Variants in ANTXR2 observed in about 807,000 individuals in gnomAD.
ANTXR2 encodes the protein ANTXR cell adhesion molecule 2, also known as anthrax toxin receptor 2.
Under a neutral mutation model 73.7 loss-of-function variants are expected in ANTXR2, and 44 were observed. The ratio of observed to expected loss-of-function variants is 0.60; its 90% CI spans 0.47 to 0.77. The LOEUF (loss-of-function observed/expected upper bound fraction) is 0.77, where lower values mean the gene tolerates loss of function less well. ANTXR2 is among the 30% of genes least tolerant of loss of function. The pLI is 0.00. For synonymous variants in ANTXR2, 217 were observed against 205.9 expected, an observed-to-expected ratio of 1.05 and a Z score of -0.46; for missense variants, 604 against 592.5, an observed-to-expected ratio of 1.02 and a Z score of -0.20.
intron 7 of ANTXR2, among the ~76,000 whole-genome samples, chr4:80,041,114 T>C (rs951821598): frequency 6.6e-5 from 10 of 152,040 alleles, no homozygotes; most frequent in Admixed American, 1.3e-4. Flanking sequence ...TAAACAAATA[T>C]TTTTATCCAT....
chr4:79,995,670 T>C (rs527932752), intron 12 of ANTXR2, among the ~76,000 whole-genome samples: 5 of 152,134 alleles, frequency 3.3e-5, no homozygotes, highest in African/African-American at 1.2e-4. Flanking sequence ...TATGTCTATA[T>C]GCAATTATAT....
chr4:79,931,449 T>TTC (rs142694925), intron 16 of ANTXR2, among the ~76,000 whole-genome samples: 3,234 of 134,100 alleles, frequency 0.024, 43 homozygotes, highest in Non-Finnish European at 0.03. Flanking sequence ...TCCTCGCTTC[T>TTC]TCTCTCTCTC....
chr4:80,042,771 G>A (rs1733329416), intron 7 of ANTXR2, among the ~76,000 whole-genome samples: 2 of 151,982 alleles, frequency 1.3e-5, no homozygotes, highest in South Asian at 4.1e-4. Context: ...GCAGCATGAG[G>A]GAAAATCTAA....
intron 16 of ANTXR2, among the ~76,000 whole-genome samples, chr4:79,958,717 T>G (rs1285975173): frequency 6.6e-6 from 1 of 152,104 alleles, no homozygotes; most frequent in Admixed American, 6.6e-5. Context: ...AAGGAACTAA[T>G]CTAGTTAAGA....
At chr4:80,041,303 TAACA>T (rs1733235588) in intron 7 of ANTXR2, among the ~76,000 whole-genome samples, 1 of 152,044 alleles carries the variant, frequency 6.6e-6, no homozygotes. Flanking sequence ...ATCTAACTCT[TAACA>T]AACTAGTGAA....
intron 16 of ANTXR2, among the ~76,000 whole-genome samples, chr4:79,955,179 A>G (rs1370137982): frequency 6.6e-6 from 1 of 152,162 alleles, no homozygotes; most frequent in Admixed American, 6.5e-5. Context: ...TGAGAAATAG[A>G]CAAATTTTAT....
rs552468753 is a variant in ANTXR2, at chr4:80,000,817, C to T, written c.1041+7704G>A. Among the ~76,000 whole-genome samples the T allele has an allele frequency of 2.9e-4, 44 of 152,130 alleles. No homozygotes were observed. The South Asian group carries it at 8.9e-3, about 31-fold the overall frequency. ...CAGTAATTAGTCAAATGTTCAAATT[C>T]TTTGCTTTCCTCCATAGAGTGAAGG... On this transcript the variant is annotated intron_variant, in intron 12 of 16. Coordinates refer to ENST00000403729, the MANE Select transcript of ANTXR2 (RefSeq NM_058172.6).
chr4:79,996,225 G>A (rs1384666083), intron 12 of ANTXR2, among the ~76,000 whole-genome samples: 2 of 151,860 alleles, frequency 1.3e-5, no homozygotes, highest in Non-Finnish European at 2.9e-5. Flanking sequence ...GATTTAGTTT[G>A]CAAAGGGAAA....
rs183063525 is a variant in ANTXR2, at chr4:79,952,728, T to C, written c.1428+24893A>G. Reference sequence around the variant, plus strand: ...AATGTTTATAAATGATTAGAAAAACTGTTTGCTCTAAAGAGTATAAAAAGC... The same window carrying C: ...AATGTTTATAAATGATTAGAAAAACCGTTTGCTCTAAAGAGTATAAAAAGC... On this transcript the variant is annotated intron_variant, in intron 16 of 16. Transcript: ENST00000403729. Among the ~76,000 whole-genome samples, 17 of 151,964 alleles carry C rather than the reference T, an allele frequency of 1.1e-4. No homozygotes were observed. In the East Asian group the frequency reaches 3.3e-3, roughly 29 times the overall value.
intron 10 of ANTXR2, chr4:80,024,645 C>A (rs1471872116): frequency 4.6e-6 from 2 of 437,014 alleles, no homozygotes; most frequent in Non-Finnish European, 9.1e-6. Context: ...GCCTGTAGCC[C>A]CAGCTACTCA....
At chr4:79,995,886 C>T (rs1430010332) in intron 12 of ANTXR2, among the ~76,000 whole-genome samples, 1 of 151,954 alleles carries the variant, frequency 6.6e-6, no homozygotes, top group Non-Finnish European at 1.5e-5. Flanking sequence ...ACACAACCAC[C>T]ATCACAACAA....
intron 3 of ANTXR2, 27 bp downstream of exon 3, chr4:80,069,409 C>T (rs1734675999): frequency 1.3e-6 from 2 of 1,523,148 alleles, no homozygotes; most frequent in South Asian, 2.4e-5. Context: ...CTACTAAAAG[C>T]CTGCAGTGAA....
At position 79,967,071 on chromosome 4, in the gene ANTXR2, G is replaced by A. The variant is rs374736619; in HGVS notation, c.1428+10550C>T. On this transcript the variant is annotated intron_variant, in intron 16 of 16. Transcript: ENST00000403729. ...AGGCCAGTGTGTGTGCGCACCGTGC[G>A]CGAGCCGAAGCAGGGCGAGGAATTG... is the stretch of plus-strand genomic sequence containing the variant. 7.7e-4 allele frequency among the ~76,000 whole-genome samples: 55 copies of A among 71,860 alleles called. 19 individuals are homozygous for A. In the East Asian group the frequency reaches 0.089, roughly 117 times the overall value. The allele number at this position is 71,860 out of a possible 152,430, so 47.1% of individuals were successfully genotyped here.
intron 16 of ANTXR2, among the ~76,000 whole-genome samples, chr4:79,927,308 A>ACACACACACACACACG (rs1164517649): frequency 1.2e-4 from 18 of 151,652 alleles, no homozygotes; most frequent in African/African-American, 4.4e-4. Context: ...ACACACACAC[A>ACACACACACACACACG]CACGCACTCA....
At chr4:80,010,943 C>T (rs1349945355) in intron 11 of ANTXR2, among the ~76,000 whole-genome samples, 1 of 151,832 alleles carries the variant, frequency 6.6e-6, no homozygotes, top group African/African-American at 2.4e-5. Flanking sequence ...GTCAGGAGAT[C>T]GAGACCATCC....
chr4:79,975,484 TG>T lies in ANTXR2; in HGVS notation c.1428+2136del, dbSNP rs563992502. On this transcript the variant is annotated intron_variant, in intron 16 of 16. Transcript: ENST00000403729. ...AAGACTATAAACTAAATTACAATCA[TG>T]ACAGTTAAAAGAAAATATAAAGCAT... 5.4e-4 allele frequency among the ~76,000 whole-genome samples: 83 copies of T among 152,306 alleles called. No homozygotes were observed. The East Asian group carries it at 0.015, about 28-fold the overall frequency.
intron 9 of ANTXR2, 51 bp from the exon 10 acceptor site, chr4:80,031,743 C>G: frequency 9.1e-7 from 1 of 1,098,528 alleles, no homozygotes. Flanking sequence ...GCATCTCACA[C>G]AGTTTCATTA....
At chr4:79,930,077 C>T (rs1190959632) in intron 16 of ANTXR2, among the ~76,000 whole-genome samples, 10 of 152,156 alleles carry the variant, frequency 6.6e-5, no homozygotes. Flanking sequence ...GAAGAATCAA[C>T]CTCCAACACC....
intron 10 of ANTXR2, among the ~76,000 whole-genome samples, chr4:80,026,552 A>T (rs113395233): frequency 3.0e-5 from 2 of 67,010 alleles, no homozygotes; most frequent in South Asian, 4.9e-4. Context: ...CTACATCCTC[A>T]TATAGGTGTC....
Sources: allele counts gnomAD v4.1 joint callset (sites outside exome capture counted in the v4.1 genomes callset), GRCh38; gene constraint gnomAD v4.1.1; transcripts MANE v1.5; gene names NCBI Gene and HGNC (gene_info 2026-07-23, HGNC 2026-07-21).